Variants in SH3BGRL2 observed in about 807,000 individuals in gnomAD.
The protein encoded by SH3BGRL2 is SH3 domain binding glutamate rich protein like 2, also known as SH3 domain-binding glutamic acid-rich-like protein 2.
SH3BGRL2 carries 21 observed loss-of-function variants against 14.8 expected under a neutral mutation model. The ratio of observed to expected loss-of-function variants is 1.42; its 90% CI spans 1.01 to 2.05. The LOEUF (loss-of-function observed/expected upper bound fraction) is 2.05. Among genes scored for constraint, SH3BGRL2 ranks in the 30% most tolerant of loss-of-function variants. SH3BGRL2 has a pLI of 0.00. For missense variants in SH3BGRL2, 147 were observed against 130.8 expected, an observed-to-expected ratio of 1.12 and a Z score of -0.61; for synonymous variants, 50 against 47.8, an observed-to-expected ratio of 1.05 and a Z score of -0.19.
At chr6:79,696,243 C>G (rs1770330422) in intron 2 of SH3BGRL2, among the ~76,000 whole-genome samples, 1 of 152,132 alleles carries the variant, frequency 6.6e-6, no homozygotes, top group Non-Finnish European at 1.5e-5. Context: ...TTTCTGTCAC[C>G]AAATGTTTTA....
the SH3BGRL2 span, among the ~76,000 whole-genome samples, chr6:79,594,863 G>A: frequency 1.3e-5 from 2 of 152,122 alleles, no homozygotes; most frequent in African/African-American, 4.8e-5. Flanking sequence ...ACCATGAATG[G>A]CAAAACTTTA....
At chr6:79,607,008 T>C in the SH3BGRL2 span, among the ~76,000 whole-genome samples, 1 of 152,166 alleles carries the variant, frequency 6.6e-6, no homozygotes, top group African/African-American at 2.4e-5. Context: ...CCTTCAGACT[T>C]TTAAAGGGAT....
chr6:79,538,363 G>A, the SH3BGRL2 span, among the ~76,000 whole-genome samples: 1 of 152,028 alleles, frequency 6.6e-6, no homozygotes, highest in Non-Finnish European at 1.5e-5. Flanking sequence ...GCTCAACCTC[G>A]TTTTTCCACC....
At chr6:79,580,791 G>C in the SH3BGRL2 span, among the ~76,000 whole-genome samples, 2 of 152,096 alleles carry the variant, frequency 1.3e-5, no homozygotes, top group African/African-American at 4.8e-5. Flanking sequence ...ATTAAGATCA[G>C]AGCAGAACTG....
chr6:79,682,853 A>G (rs1349810693), intron 2 of SH3BGRL2, among the ~76,000 whole-genome samples: 1 of 152,388 alleles, frequency 6.6e-6, no homozygotes, highest in South Asian at 2.1e-4. Context: ...CATATACACC[A>G]TGGAGTACTA....
chr6:79,574,515 G>A, the SH3BGRL2 span: 1 of 152,060 alleles, frequency 6.6e-6, no homozygotes, highest in African/African-American at 2.4e-5. Context: ...ACATTTTTGG[G>A]GTAAAATATT....
At chr6:79,590,249 A>ATTTT in the SH3BGRL2 span, among the ~76,000 whole-genome samples, 1 of 151,770 alleles carries the variant, frequency 6.6e-6, no homozygotes, top group Non-Finnish European at 1.5e-5. Flanking sequence ...AGAACTTAAA[A>ATTTT]CAGAACTACC....
chr6:79,592,967 T>C, the SH3BGRL2 span, among the ~76,000 whole-genome samples: 1 of 152,180 alleles, frequency 6.6e-6, no homozygotes, highest in East Asian at 1.9e-4. Context: ...TGCCTTCTGC[T>C]GGGCGTAGAA....
chr6:79,703,424 C>T lies in SH3BGRL2; in HGVS notation c.*3915C>T, dbSNP rs1435985851. ...TGTATATACACATATAATATATATG[C>T]TAAAGTATAAAGAGTAATAATAATG... On this transcript the variant is annotated 3_prime_UTR_variant, in exon 4 of 4. Transcript: ENST00000369838. 1 of 152,036 alleles carries T rather than the reference C, an allele frequency of 6.6e-6. No homozygotes were observed. Among genetic ancestry groups the T allele is most frequent in the Non-Finnish European group, 1.5e-5 (1 of 68,012 alleles). The allele number at this position is 152,036 out of a possible 1,614,324, so 9.4% of individuals were successfully genotyped here. A position where few individuals can be genotyped will look rare whatever the true frequency, so the allele number is the denominator to read the frequency against.
At chr6:79,655,068 TG>T (rs373328942) in intron 1 of SH3BGRL2, among the ~76,000 whole-genome samples, 4 of 152,020 alleles carry the variant, frequency 2.6e-5, no homozygotes, top group African/African-American at 7.3e-5. Context: ...TTTTTTTGTG[TG>T]GGGGGGTCGG....
chr6:79,657,434 A>G (rs766241110), intron 1 of SH3BGRL2, among the ~76,000 whole-genome samples: 1 of 152,160 alleles, frequency 6.6e-6, no homozygotes, highest in Non-Finnish European at 1.5e-5. Flanking sequence ...TTACTAGGAA[A>G]CCAGAAGAGG....
At chr6:79,633,970 TA>T (rs780507825) in intron 1 of SH3BGRL2, among the ~76,000 whole-genome samples, 2 of 152,180 alleles carry the variant, frequency 1.3e-5, no homozygotes, top group Non-Finnish European at 2.9e-5. Flanking sequence ...TGACTGTTGA[TA>T]GTGTTTCATT....
chr6:79,681,652 G>C (rs1047191271), intron 2 of SH3BGRL2, among the ~76,000 whole-genome samples: 1 of 152,178 alleles, frequency 6.6e-6, no homozygotes, highest in African/African-American at 2.4e-5. Flanking sequence ...CAGAGCCCAA[G>C]CACAACTAAG....
At chr6:79,572,235 T>A in the SH3BGRL2 span, among the ~76,000 whole-genome samples, 4 of 152,214 alleles carry the variant, frequency 2.6e-5, no homozygotes, top group Non-Finnish European at 5.9e-5. Context: ...GATGTTTAGA[T>A]TTCATTAATG....
the SH3BGRL2 span, among the ~76,000 whole-genome samples, chr6:79,562,904 A>C: frequency 8.6e-5 from 13 of 151,970 alleles, no homozygotes; most frequent in Non-Finnish European, 1.9e-4. Flanking sequence ...CCTGGGCTGC[A>C]TGCAGCCTAC....
chr6:79,550,770 G>A, the SH3BGRL2 span, among the ~76,000 whole-genome samples: 3 of 152,056 alleles, frequency 2.0e-5, no homozygotes, highest in Non-Finnish European at 2.9e-5. Flanking sequence ...CTTGGTGGCC[G>A]AACTATTAGT....
At chr6:79,601,455 C>T in the SH3BGRL2 span, among the ~76,000 whole-genome samples, 1 of 152,332 alleles carries the variant, frequency 6.6e-6, no homozygotes, top group South Asian at 2.1e-4. Context: ...CTTAGCCTCC[C>T]AAAGTGCTGT....
the SH3BGRL2 span, among the ~76,000 whole-genome samples, chr6:79,621,253 T>C: frequency 6.6e-6 from 1 of 152,206 alleles, no homozygotes; most frequent in African/African-American, 2.4e-5. Flanking sequence ...GTTTGTGTCC[T>C]TCTCAACCCA....
chr6:79,698,198 A>G (rs190462978), intron 3 of SH3BGRL2, among the ~76,000 whole-genome samples: 122 of 152,340 alleles, frequency 8.0e-4, no homozygotes, highest in Admixed American at 2.6e-3. Flanking sequence ...GCAGATGTCC[A>G]TAGCACAAGG....
Sources: allele counts gnomAD v4.1 joint callset (sites outside exome capture counted in the v4.1 genomes callset), GRCh38; gene constraint gnomAD v4.1.1; transcripts MANE v1.5; gene names NCBI Gene and HGNC (gene_info 2026-07-23, HGNC 2026-07-21).